PRAG1: variants seen among roughly 807,000 people sequenced by gnomAD.
The protein encoded by PRAG1 is inactive tyrosine-protein kinase PRAG1.
Under a neutral mutation model 95.6 loss-of-function variants are expected in PRAG1, and 110 were observed. The ratio of observed to expected loss-of-function variants is 1.15; its 90% CI spans 0.99 to 1.35. The LOEUF (loss-of-function observed/expected upper bound fraction) is 1.35, where lower values mean the gene tolerates loss of function less well. Ranked by LOEUF, PRAG1 falls within the 40% of genes most tolerant of loss-of-function variation. PRAG1 has a pLI of 0.00. For missense variants in PRAG1, 2,554 were observed against 1,864.7 expected (o/e 1.37, Z -6.81); for synonymous variants, 1,052 against 819.4 (o/e 1.28, Z -4.85).
rs1798685673 is a variant in PRAG1 at position 8,327,938 on chromosome 8, C to T, written c.2844G>A (p.Lys948=). 1 of 1,613,012 alleles carries T rather than the reference C, an allele frequency of 6.2e-7. No homozygotes were observed. The highest frequency in any genetic ancestry group is 1.1e-5 in the South Asian group (1 of 90,980). ...LHGLLSNISS[K]EGTYAKLGGL... is the part of the protein sequence containing the mutation. ...CCCCCAGCTTGGCATAGGTGCCCTC[C>T]TTGCTGCTGATGTTGCTCAGGAGAC... The change falls in exon 5 of 6, where the codon AAG becomes AAA. Residue 948 remains lysine, a synonymous_variant. Coordinates refer to ENST00000615670, the MANE Select transcript of PRAG1 (RefSeq NM_001080826.3).
At chr8:8,371,181 A>C (rs940749973) in intron 3 of PRAG1, among the ~76,000 whole-genome samples, 1 of 151,142 alleles carries the variant, frequency 6.6e-6, no homozygotes, top group African/African-American at 2.4e-5. Flanking sequence ...AATAGATTTA[A>C]CCTCTGCTCC....
In PRAG1 at chr8:8,318,800, A is replaced by G. The variant is rs1798371122; in HGVS notation, c.3575T>C (p.Leu1192Pro). The G allele has an allele frequency of 5.7e-6, 8 of 1,409,058 alleles. No homozygotes were observed. Among genetic ancestry groups the G allele is most frequent in the African/African-American group, 1.6e-5 (1 of 63,292 alleles). 87.3% of individuals were successfully genotyped at this position (1,409,058 alleles called of 1,614,324 possible). The change falls in exon 6 of 6, where the codon CTC (leucine) becomes CCC (proline). Residue 1192 changes from leucine to proline, a missense_variant. Coordinates refer to ENST00000615670, the MANE Select transcript of PRAG1 (RefSeq NM_001080826.3). This position sits in a 1 kb window ranked among gnomAD's most constrained non-coding sequence, Gnocchi z 4.2. ...SSAAPPAGGT[L>P]SPAAGPASPE... ...GGAGGCGGGGCCGGCTGCGGGGCTG[A>G]GAGTGCCACCAGCAGGCGGGGCGGC...
chr8:8,372,912 C>CA (rs1387131057), intron 3 of PRAG1, among the ~76,000 whole-genome samples: 2 of 152,208 alleles, frequency 1.3e-5, no homozygotes, highest in African/African-American at 2.4e-5. Flanking sequence ...GTCTCTCTCA[C>CA]ACCATGTAAG....
chr8:8,358,455 G>T (rs1585255308), intron 3 of PRAG1, among the ~76,000 whole-genome samples: 1 of 152,152 alleles, frequency 6.6e-6, no homozygotes, highest in Admixed American at 6.5e-5. Context: ...CAACCCTGTG[G>T]GTTGGAGTGG....
At chr8:8,375,395 G>C (rs537155333) in intron 3 of PRAG1, among the ~76,000 whole-genome samples, 69 of 152,072 alleles carry the variant, frequency 4.5e-4, no homozygotes, top group Non-Finnish European at 8.8e-4. Flanking sequence ...GTAGAGACGG[G>C]GTTTCACTGT....
intron 3 of PRAG1, among the ~76,000 whole-genome samples, chr8:8,352,742 A>G (rs969384676): frequency 2.6e-5 from 4 of 152,228 alleles, no homozygotes; most frequent in Non-Finnish European, 5.9e-5. Flanking sequence ...AGGTATACAC[A>G]CTATATTTGG....
chr8:8,364,692 A>G (rs1306645917), intron 3 of PRAG1, among the ~76,000 whole-genome samples: 2 of 151,730 alleles, frequency 1.3e-5, no homozygotes, highest in Admixed American at 6.6e-5. Flanking sequence ...TTCTCCATAC[A>G]GTCAACAAGT....
intron 1 of PRAG1, among the ~76,000 whole-genome samples, chr8:8,385,623 G>A (rs1038178275): frequency 6.6e-6 from 1 of 152,220 alleles, no homozygotes; most frequent in African/African-American, 2.4e-5. Context: ...TTTGCTATCG[G>A]CTCTGCAAAA....
Position 8,377,810 on chromosome 8 carries a change from C to T in PRAG1, c.599G>A (p.Arg200Gln), listed in dbSNP as rs769229677. The change falls in exon 3 of 6, where the codon CGG (arginine) becomes CAG (glutamine). Residue 200 changes from arginine to glutamine, a missense_variant. Transcript: ENST00000615670. Reference sequence around the variant, plus strand: ...GCGGAAGCTCTCCTGGGTGGAGGGCCGGTCTTGGTAAGGAAATGAGGGTTT... The same window carrying T: ...GCGGAAGCTCTCCTGGGTGGAGGGCTGGTCTTGGTAAGGAAATGAGGGTTT... ...KEKPSFPYQDRPSTQESFRQK... is the reference protein window; with the variant it reads ...KEKPSFPYQDQPSTQESFRQK... 2.9e-5 allele frequency: 47 copies of T among 1,614,000 alleles called. No individual in the cohort carries two copies. The highest frequency in any genetic ancestry group is 4.0e-5 in the African/African-American group (3 of 74,916).
rs143479874 is a variant in PRAG1, at chr8:8,319,902, C to T, written c.3073-600G>A. Among the ~76,000 whole-genome samples the T allele has an allele frequency of 6.1e-3, 934 of 152,350 alleles. 11 individuals are homozygous for T. Among genetic ancestry groups the T allele is most frequent in the African/African-American group, 0.022 (898 of 41,582 alleles). On this transcript the variant is annotated intron_variant, in intron 5 of 5. Coordinates refer to ENST00000615670, the MANE Select transcript of PRAG1 (RefSeq NM_001080826.3). The stretch of plus-strand genomic sequence containing the variant: ...TCAAAACCACAGTGAGATATCAGTT[C>T]ACGCCCACTAGAATGGGTTCTAATA...
At chr8:8,324,958 G>A (rs1486481001) in intron 5 of PRAG1, among the ~76,000 whole-genome samples, 1 of 152,214 alleles carries the variant, frequency 6.6e-6, no homozygotes, top group Non-Finnish European at 1.5e-5. Context: ...AAAGTAGTAG[G>A]TTCCAGCATC....
chr8:8,344,169 A>G (rs190002682), intron 3 of PRAG1, among the ~76,000 whole-genome samples: 71 of 152,338 alleles, frequency 4.7e-4, no homozygotes, highest in African/African-American at 1.6e-3. Context: ...AGAAACTCTT[A>G]TAAGTGGAGA....
chr8:8,355,653 G>C (rs753004290), intron 3 of PRAG1, among the ~76,000 whole-genome samples: 13 of 152,094 alleles, frequency 8.5e-5, no homozygotes, highest in Non-Finnish European at 1.9e-4. Context: ...TTTTTGACAA[G>C]AGCATCAAAA....
chr8:8,343,390 C>T (rs1799232942), intron 3 of PRAG1, among the ~76,000 whole-genome samples: 1 of 152,150 alleles, frequency 6.6e-6, no homozygotes, highest in African/African-American at 2.4e-5. Context: ...TGTCCTTGAG[C>T]AATGTTACTT....
chr8:8,359,756 G>A (rs1030074775), intron 3 of PRAG1, among the ~76,000 whole-genome samples: 2 of 152,176 alleles, frequency 1.3e-5, no homozygotes, highest in Non-Finnish European at 2.9e-5. Context: ...TCCTTGACCA[G>A]ACATCTGGAT....
At position 8,328,492 on chromosome 8, in the gene PRAG1, A is replaced by C. The variant is rs752347316; in HGVS notation, c.2321-31T>G. The C allele has an allele frequency of 1.9e-6, 3 of 1,609,580 alleles. No individual in the cohort carries two copies. In the Admixed American group the frequency reaches 5.0e-5, roughly 27 times the overall value. On this transcript the variant is annotated intron_variant, in intron 4 of 5. Coordinates refer to ENST00000615670, the MANE Select transcript of PRAG1 (RefSeq NM_001080826.3). ...GAGGAGAGACAGAAACCATAAGACC[A>C]AGGCCAGTGCCACTCAATTCCAGGG...
intron 3 of PRAG1, among the ~76,000 whole-genome samples, chr8:8,375,200 CTTTGTTTTTTTT>C (rs1248360498): frequency 2.7e-5 from 3 of 112,880 alleles, no homozygotes; most frequent in Non-Finnish European, 5.1e-5. Flanking sequence ...ACATTTTTTT[CTTTGTTTTTTTT>C]TTTGTTTTTT....
intron 4 of PRAG1, among the ~76,000 whole-genome samples, chr8:8,335,770 A>G (rs970205718): frequency 6.6e-6 from 1 of 151,942 alleles, no homozygotes; most frequent in Non-Finnish European, 1.5e-5. Context: ...TCTGACCAGT[A>G]GCTACTTTAC....
rs569988625 is a variant in PRAG1 at position 8,385,045 on chromosome 8, AT to A, written c.-88+1275del. Among the ~76,000 whole-genome samples, 25 of 152,346 alleles carry A rather than the reference AT, an allele frequency of 1.6e-4. No individual in the cohort carries two copies. In the East Asian group the frequency reaches 4.0e-3, roughly 25 times the overall value. Reference sequence around the variant, plus strand: ...GAATCAAGGTGGCCAGATCTTTAAGATTAAATATTTTGGCCCAAAATACCCC... The same window carrying A: ...GAATCAAGGTGGCCAGATCTTTAAGATAAATATTTTGGCCCAAAATACCCC... On this transcript the variant is annotated intron_variant, in intron 1 of 5. Transcript: ENST00000615670.
Sources: allele counts gnomAD v4.1 joint callset (sites outside exome capture counted in the v4.1 genomes callset), GRCh38; gene constraint gnomAD v4.1.1; non-coding constraint Gnocchi (gnomAD v3.1); transcripts MANE v1.5; gene names NCBI Gene and HGNC (gene_info 2026-07-23, HGNC 2026-07-21).